Variants in CYLD observed in about 807,000 individuals in gnomAD.
The protein encoded by CYLD is ubiquitin carboxyl-terminal hydrolase CYLD.
Under a neutral mutation model 104.5 loss-of-function variants are expected in CYLD, and 26 were observed. The ratio of observed to expected loss-of-function variants is 0.25; its 90% CI spans 0.18 to 0.35. The LOEUF (loss-of-function observed/expected upper bound fraction) is 0.35. Among genes scored for constraint, CYLD ranks in the 10% least tolerant of loss-of-function variants. The pLI, the probability that CYLD is intolerant of heterozygous loss-of-function variation, is 1.00. For synonymous variants in CYLD, 385 were observed against 399.9 expected (o/e 0.96, Z 0.45); for missense variants, 703 against 1,136.1 (o/e 0.62, Z 5.48).
At position 50,797,623 on chromosome 16, in the gene CYLD, C is replaced by T. The variant is rs1972156449; in HGVS notation, c.*1115C>T. ...TTAGACCACAGCGGATGTTGTAGAC[C>T]AGGACCATAGATGATACATGTCAGT... is the stretch of plus-strand genomic sequence containing the variant. On this transcript the variant is annotated 3_prime_UTR_variant, in exon 19 of 19. Coordinates refer to ENST00000427738, the MANE Select transcript of CYLD (RefSeq NM_001378743.1). The T allele has an allele frequency of 1.3e-5, 3 of 232,902 alleles. No individual in the cohort carries two copies. In the East Asian group the frequency reaches 1.8e-4, roughly 14 times the overall value. 14.4% of individuals were successfully genotyped at this position (232,902 alleles called of 1,614,324 possible).
intron 14 of CYLD, among the ~76,000 whole-genome samples, chr16:50,790,938 A>G: frequency 6.6e-6 from 1 of 152,174 alleles, no homozygotes; most frequent in East Asian, 1.9e-4. Flanking sequence ...TAACACTGTG[A>G]TTGGCATATG....
rs1972083633 is a variant in CYLD at position 50,796,725 on chromosome 16, G to C, written c.*217G>C. 9.0e-6 allele frequency: 5 copies of C among 555,600 alleles called. No individual in the cohort carries two copies. Among genetic ancestry groups the C allele is most frequent in the Non-Finnish European group, 3.2e-6 (1 of 308,918 alleles). The allele number at this position is 555,600 out of a possible 1,614,324, so 34.4% of individuals were successfully genotyped here. On this transcript the variant is annotated 3_prime_UTR_variant, in exon 19 of 19. Transcript: ENST00000427738. Reference sequence around the variant, plus strand: ...GCACTCTAGAAAGTATGTTTGTGTTGGTTTTTTAAGAAGTCTAAATGAAGT... The same window carrying C: ...GCACTCTAGAAAGTATGTTTGTGTTCGTTTTTTAAGAAGTCTAAATGAAGT...
chr16:50,742,880 G>C, intron 2 of CYLD, 39 bp downstream of exon 2: 1 of 396,084 alleles, frequency 2.5e-6, no homozygotes. Context: ...GTTAACAATC[G>C]AGGGGGGTGG....
chr16:50,749,566 C>A lies in CYLD; in HGVS notation c.-123-10C>A. On this transcript the variant is annotated splice_polypyrimidine_tract_variant and intron_variant, in intron 2 of 18. Transcript: ENST00000427738. ...TTCACTAGGCATTTTGATTTCCTTTCTTTTTACAGCATGGACACCACGTTG... is the reference window on the plus strand; with the variant it reads ...TTCACTAGGCATTTTGATTTCCTTTATTTTTACAGCATGGACACCACGTTG... 1.1e-6 allele frequency: 1 copy of A among 882,936 alleles called. No individual in the cohort carries two copies. Among genetic ancestry groups the A allele is most frequent in the Non-Finnish European group, 1.7e-6 (1 of 582,200 alleles). The allele number at this position is 882,936 out of a possible 1,614,324, so 54.7% of individuals were successfully genotyped here.
At position 50,768,064 on chromosome 16, in the gene CYLD, A is replaced by G. The variant is rs1366130766; in HGVS notation, c.914-7102A>G. On this transcript the variant is annotated intron_variant, in intron 5 of 18. Coordinates refer to ENST00000427738, the MANE Select transcript of CYLD (RefSeq NM_001378743.1). ...CAGGCACACTTTGATCTTCTAAATC[A>G]GTAGTTATCATTGTCATTATTGCTG... Among the ~76,000 whole-genome samples, 4 of 152,214 alleles carry G rather than the reference A, an allele frequency of 2.6e-5. No individual in the cohort carries two copies. The South Asian group carries it at 6.2e-4, about 24-fold the overall frequency.
intron 5 of CYLD, among the ~76,000 whole-genome samples, chr16:50,768,166 A>G (rs982365252): frequency 6.6e-6 from 1 of 152,146 alleles, no homozygotes; most frequent in African/African-American, 2.4e-5. Flanking sequence ...AACCCTCAAT[A>G]GGAGATAATT....
At chr16:50,770,606 G>A (rs569906303) in intron 5 of CYLD, among the ~76,000 whole-genome samples, 1 of 151,488 alleles carries the variant, frequency 6.6e-6, no homozygotes, top group South Asian at 2.1e-4. Flanking sequence ...GTGCGCCCCC[G>A]AGCCCAGCTA....
chr16:50,782,545 T>TGC, intron 11 of CYLD, 79 bp downstream of exon 11: 3 of 1,372,980 alleles, frequency 2.2e-6, no homozygotes, highest in Non-Finnish European at 2.0e-6. Flanking sequence ...TGTGTGTGCG[T>TGC]GTGAGTGTGT....
In CYLD at chr16:50,781,336, A is replaced by C; in HGVS notation, c.1609A>C (p.Lys537Gln). 6.2e-7 allele frequency: 1 copy of C among 1,613,950 alleles called. No homozygotes were observed. The change falls in exon 10 of 19, where the codon AAG (lysine) becomes CAG (glutamine). Residue 537 changes from lysine to glutamine, a missense_variant. Coordinates refer to ENST00000427738, the MANE Select transcript of CYLD (RefSeq NM_001378743.1). ...GAAGAAGGCGCTGTTTGTGAAACTG[A>C]AGAGCTGCAGGCCTGACTCTAGGTT... ...ALKKALFVKL[K>Q]SCRPDSRFAS...
rs1397083131 is a variant in CYLD at position 50,782,422 on chromosome 16, C to T, written c.1782C>T (p.Ile594=). The part of the protein sequence containing the change: ...LEIMIGKKKG[I]QGHYNSCYLD... The stretch of plus-strand genomic sequence containing the variant: ...TAATGATTGGGAAGAAGAAAGGCAT[C>T]CAGGGTCATTACAATTCTTGTTACT... Residue 594 remains isoleucine, a synonymous_variant, in exon 11 of 19, where the codon ATC becomes ATT. Coordinates refer to ENST00000427738, the MANE Select transcript of CYLD (RefSeq NM_001378743.1). 1.2e-6 allele frequency: 2 copies of T among 1,613,782 alleles called. No homozygotes were observed. The highest frequency in any genetic ancestry group is 2.7e-5 in the African/African-American group (2 of 74,860).
intron 5 of CYLD, among the ~76,000 whole-genome samples, chr16:50,762,721 T>C (rs1004130218): frequency 1.4e-4 from 22 of 152,260 alleles, no homozygotes; most frequent in African/African-American, 5.1e-4. Flanking sequence ...TATATAAACC[T>C]TGTGTATCCT....
intron 11 of CYLD, chr16:50,783,997 CT>C: frequency 3.2e-6 from 1 of 315,950 alleles, no homozygotes; most frequent in African/African-American, 2.2e-5. Flanking sequence ...TGTAATTTGA[CT>C]GATATTTGTA....
chr16:50,743,371 T>TAGGTGG (rs1965886969), intron 2 of CYLD, among the ~76,000 whole-genome samples: 1 of 152,152 alleles, frequency 6.6e-6, no homozygotes, highest in Non-Finnish European at 1.5e-5. Context: ...ACTAGAACAG[T>TAGGTGG]ATTAGGAGAA....
At position 50,749,929 on chromosome 16, in the gene CYLD, A is replaced by G; in HGVS notation, c.231A>G (p.Gln77=). Residue 77 remains glutamine, a synonymous_variant, in exon 3 of 19, where the codon CAA becomes CAG. Coordinates refer to ENST00000427738, the MANE Select transcript of CYLD (RefSeq NM_001378743.1). ...KNQIGLKILE[Q]PHAVLFVDEK... Reference sequence around the variant, plus strand: ...AGATTGGATTAAAAATTCTAGAGCAACCTCATGCAGTTCTCTTTGTTGATG... The same window carrying G: ...AGATTGGATTAAAAATTCTAGAGCAGCCTCATGCAGTTCTCTTTGTTGATG... 3 of 1,614,120 alleles carry G rather than the reference A, an allele frequency of 1.9e-6. No individual in the cohort carries two copies. Among genetic ancestry groups the G allele is most frequent in the Non-Finnish European group, 2.5e-6 (3 of 1,180,018 alleles).
At chr16:50,795,759 C>G (rs1455183784) in intron 18 of CYLD, 3 of 587,480 alleles carry the variant, frequency 5.1e-6, no homozygotes, top group Non-Finnish European at 9.1e-6. Flanking sequence ...CAGCGTAACA[C>G]AACAGCATAG....
Position 50,781,425 on chromosome 16 carries a change from T to C in CYLD, c.1684+14T>C, listed in dbSNP as rs2150996181. The C allele has an allele frequency of 6.2e-7, 1 of 1,612,970 alleles. No homozygotes were observed. Among genetic ancestry groups the C allele is most frequent in the East Asian group, 2.2e-5 (1 of 44,880 alleles). On this transcript the variant is annotated intron_variant, in intron 10 of 18. Coordinates refer to ENST00000427738, the MANE Select transcript of CYLD (RefSeq NM_001378743.1). ...GTAACTCTTTAGGTATTTGGATGCT[T>C]TTTGTTTACTTAACAACCTGGAATG...
At chr16:50,789,131 T>C (rs1333893472) in intron 14 of CYLD, among the ~76,000 whole-genome samples, 2 of 152,212 alleles carry the variant, frequency 1.3e-5, no homozygotes, top group Non-Finnish European at 2.9e-5. Flanking sequence ...TAAAATAGTG[T>C]GTGATACTAG....
Position 50,751,880 on chromosome 16 carries a change from T to C in CYLD, c.781T>C (p.Leu261=). 3 of 1,611,762 alleles carry C rather than the reference T, an allele frequency of 1.9e-6. No homozygotes were observed. Among genetic ancestry groups the C allele is most frequent in the East Asian group, 2.2e-5 (1 of 44,828 alleles). The change falls in exon 4 of 19, where the codon TTA becomes CTA. Residue 261 remains leucine (L), a synonymous_variant. Coordinates refer to ENST00000427738, the MANE Select transcript of CYLD (RefSeq NM_001378743.1). ...TGATGTTTTGCCAGGAAAAGAAAGC[T>C]TAGGATATTTTGTTGGTGTGGACAT... ...FCDVLPGKES[L]GYFVGVDMDN...
intron 5 of CYLD, among the ~76,000 whole-genome samples, chr16:50,754,702 C>G (rs1395342474): frequency 6.6e-6 from 1 of 151,258 alleles, no homozygotes; most frequent in Non-Finnish European, 1.5e-5. Context: ...AGCTTAGCTC[C>G]TACATATAAG....
Sources: gnomAD v4.1 joint callset for allele counts (sites outside exome capture counted in the v4.1 genomes callset) on GRCh38, gnomAD v4.1.1 for gene constraint, MANE v1.5 for transcripts, NCBI Gene and HGNC (gene_info 2026-07-23, HGNC 2026-07-21) for gene names.